Variants in REPS1 observed in about 807,000 individuals in gnomAD.
The protein encoded by REPS1 is RALBP1 associated Eps domain containing 1.
REPS1 carries 39 observed loss-of-function variants against 100.9 expected under a neutral mutation model. The ratio of observed to expected loss-of-function variants is 0.39; its 90% CI spans 0.30 to 0.50. The LOEUF is 0.50. Among genes scored for constraint, REPS1 ranks in the 20% least tolerant of loss-of-function variants. The pLI is 0.86. For synonymous variants in REPS1, 324 were observed against 340.3 expected (o/e 0.95, Z 0.53); for missense variants, 821 against 968.5 (o/e 0.85, Z 2.02).
At chr6:138,929,903 GA>G in intron 9 of REPS1, 73 bp downstream of exon 9, 2 of 1,471,970 alleles carry the variant, frequency 1.4e-6, no homozygotes, top group Middle Eastern at 3.5e-4. Context: ...GAGACAGACT[GA>G]AATTGCCCTC....
At chr6:138,934,393 A>T (rs1045999958) in intron 8 of REPS1, 6 of 465,854 alleles carry the variant, frequency 1.3e-5, no homozygotes, top group Non-Finnish European at 2.2e-5. Context: ...GTTACGCAAA[A>T]AGTATTTCCA....
intron 8 of REPS1, among the ~76,000 whole-genome samples, chr6:138,940,531 G>A (rs1306811852): frequency 1.3e-5 from 2 of 152,030 alleles, no homozygotes; most frequent in African/African-American, 4.8e-5. Flanking sequence ...CAGATCATGA[G>A]GTCAAGAGAT....
intron 19 of REPS1, among the ~76,000 whole-genome samples, chr6:138,905,417 G>A (rs1003541841): frequency 2.7e-5 from 4 of 150,840 alleles, no homozygotes; most frequent in Non-Finnish European, 5.9e-5. Flanking sequence ...TCAGCCTCCC[G>A]AGTAGCTGGG....
At chr6:138,912,183 T>C (rs958878950) in intron 16 of REPS1, among the ~76,000 whole-genome samples, 1 of 152,170 alleles carries the variant, frequency 6.6e-6, no homozygotes, top group Non-Finnish European at 1.5e-5. Context: ...GCTCAGCAAT[T>C]TAGGTCAGAG....
At position 138,947,893 on chromosome 6, in the gene REPS1, T is replaced by C. The variant is rs747911091; in HGVS notation, c.174A>G (p.Ala58=). Residue 58 remains alanine (A), a synonymous_variant, in exon 2 of 20, where the codon GCA becomes GCG. Transcript: ENST00000450536. Reference sequence around the variant, plus strand: ...TTCTTCCAAAATAACCAAGTCTTGTTGCACCACAAAGCTCCATGATCTATA... The same window carrying C: ...TTCTTCCAAAATAACCAAGTCTTGTCGCACCACAAAGCTCCATGATCTATA... ...VVLQIMELCG[A]TRLGYFGRSQ... is the part of the protein sequence containing the mutation. The C allele has an allele frequency of 3.7e-6, 6 of 1,607,952 alleles. No individual in the cohort carries two copies. The highest frequency in any genetic ancestry group is 5.1e-6 in the Non-Finnish European group (6 of 1,178,000).
intron 15 of REPS1, 67 bp from the exon 16 acceptor site, chr6:138,913,017 C>T (rs1224988636): frequency 5.1e-6 from 7 of 1,364,642 alleles, no homozygotes; most frequent in Non-Finnish European, 7.0e-6. Flanking sequence ...GAGTCATCTT[C>T]TTCTTCTTCG....
intron 1 of REPS1, among the ~76,000 whole-genome samples, chr6:138,967,385 G>A (rs537192486): frequency 2.1e-4 from 32 of 152,230 alleles, no homozygotes; most frequent in African/African-American, 7.5e-4. Context: ...AAATAACACA[G>A]GTGGTTATTT....
intron 1 of REPS1, among the ~76,000 whole-genome samples, chr6:138,960,339 C>T (rs1783657195): frequency 1.3e-5 from 2 of 151,940 alleles, no homozygotes; most frequent in South Asian, 4.2e-4. Context: ...TATTGAGGAC[C>T]CCTTTCCCTA....
chr6:138,944,195 G>A lies in REPS1; in HGVS notation c.754-180C>T, dbSNP rs73553120. 4.7e-3 allele frequency among the ~76,000 whole-genome samples: 709 copies of A among 152,260 alleles called. 7 individuals carry two copies. The highest frequency in any genetic ancestry group is 0.016 in the African/African-American group (656 of 41,552). ...GTTTTTGCACAATGATTATAGAAAC[G>A]AGTAGAATGACAGCAATTATGTAAG... On this transcript the variant is annotated intron_variant, in intron 5 of 19. Transcript: ENST00000450536.
chr6:138,962,957 T>A (rs1176934357), intron 1 of REPS1, among the ~76,000 whole-genome samples: 1 of 152,194 alleles, frequency 6.6e-6, no homozygotes, highest in African/African-American at 2.4e-5. Flanking sequence ...TATAGCTCCA[T>A]ATAACTTTAT....
At chr6:138,967,860 T>C (rs1582842203) in intron 1 of REPS1, among the ~76,000 whole-genome samples, 1 of 152,156 alleles carries the variant, frequency 6.6e-6, no homozygotes, top group African/African-American at 2.4e-5. Context: ...TGAATTCATT[T>C]AGTCCTCAAA....
intron 1 of REPS1, among the ~76,000 whole-genome samples, chr6:138,955,331 C>T (rs1380507018): frequency 3.3e-5 from 5 of 151,624 alleles, no homozygotes; most frequent in Non-Finnish European, 4.4e-5. Flanking sequence ...ACCTGTAGTG[C>T]TAGCTACTAG....
At chr6:138,979,165 A>G (rs1315634446) in intron 1 of REPS1, among the ~76,000 whole-genome samples, 1 of 131,906 alleles carries the variant, frequency 7.6e-6, no homozygotes, top group African/African-American at 2.9e-5. Context: ...TGGGCGACAG[A>G]GCGAGAATCC....
chr6:138,962,454 G>A, intron 1 of REPS1, among the ~76,000 whole-genome samples: 1 of 151,696 alleles, frequency 6.6e-6, no homozygotes, highest in East Asian at 1.9e-4. Context: ...CTTGTTATCT[G>A]GCAAAATGAC....
intron 1 of REPS1, among the ~76,000 whole-genome samples, chr6:138,948,771 A>G (rs1481361838): frequency 1.3e-5 from 2 of 152,176 alleles, no homozygotes; most frequent in African/African-American, 4.8e-5. Context: ...TTTCCATAAC[A>G]CTCAAAGGAA....
At chr6:138,948,186 T>C (rs1242833095) in intron 1 of REPS1, among the ~76,000 whole-genome samples, 1 of 152,154 alleles carries the variant, frequency 6.6e-6, no homozygotes, top group Non-Finnish European at 1.5e-5. Flanking sequence ...GTCACATTTT[T>C]AAAGAAACAA....
chr6:138,906,037 A>G (rs1359217157), intron 19 of REPS1, among the ~76,000 whole-genome samples: 1 of 152,244 alleles, frequency 6.6e-6, no homozygotes, highest in Admixed American at 6.5e-5. Context: ...GGAAAAAAGT[A>G]ATTTTTCAAA....
Position 138,943,483 on chromosome 6 carries a change from G to C in REPS1, c.980+30C>G, listed in dbSNP as rs762461890. ...CTAGAAACTCCTTGGAAGCAACCCA[G>C]TTACCCAACTAATGATATACCACAC... is the stretch of plus-strand genomic sequence containing the variant. On this transcript the variant is annotated intron_variant, in intron 7 of 19. Coordinates refer to ENST00000450536, the MANE Select transcript of REPS1 (RefSeq NM_001286611.2). 7 of 1,413,154 alleles carry C rather than the reference G, an allele frequency of 5.0e-6. No homozygotes were observed. The South Asian group carries it at 7.1e-5, about 14-fold the overall frequency. The allele number at this position is 1,413,154 out of a possible 1,614,324, so 87.5% of individuals were successfully genotyped here.
rs71013004 is a variant in REPS1, at chr6:138,969,269, A to ATTTTTTTTTTTTTTT, written c.153+18246_153+18260dup. Reference sequence around the variant, plus strand: ...ACACAATCTATGATACAAAGCTGTAATTTTTTTTTTTTTTTTTTTTTTTTT... The same window carrying ATTTTTTTTTTTTTTT: ...ACACAATCTATGATACAAAGCTGTAATTTTTTTTTTTTTTTTTTTTTTTTTTTTTTTTTTTTTTTT... On this transcript the variant is annotated intron_variant, in intron 1 of 19. Coordinates refer to ENST00000450536, the MANE Select transcript of REPS1 (RefSeq NM_001286611.2). 4.1e-3 allele frequency among the ~76,000 whole-genome samples: 305 copies of ATTTTTTTTTTTTTTT among 74,240 alleles called. 41 individuals carry two copies. Among genetic ancestry groups the ATTTTTTTTTTTTTTT allele is most frequent in the East Asian group, 0.019 (36 of 1,944 alleles). 48.7% of individuals were successfully genotyped at this position (74,240 alleles called of 152,430 possible). A position where few individuals can be genotyped will look rare whatever the true frequency, so the allele number is the denominator to read the frequency against.
Sources: allele counts gnomAD v4.1 joint callset (sites outside exome capture counted in the v4.1 genomes callset), GRCh38; gene constraint gnomAD v4.1.1; transcripts MANE v1.5; gene names NCBI Gene and HGNC (gene_info 2026-07-23, HGNC 2026-07-21).